DTNB: variants seen among roughly 807,000 people sequenced by gnomAD.
The protein encoded by DTNB is dystrobrevin beta.
In DTNB, 63 loss-of-function variants were observed where a neutral mutation model predicts 90.7. The ratio of observed to expected loss-of-function variants is 0.69; its 90% confidence interval spans 0.57 to 0.86. DTNB has a LOEUF of 0.86. Ranked by LOEUF, DTNB falls within the 40% of genes least tolerant of loss-of-function variation. The pLI, the probability that DTNB is intolerant of heterozygous loss-of-function variation, is 0.00. For synonymous variants in DTNB, 277 were observed against 286.7 expected (o/e 0.97, Z 0.34); for missense variants, 744 against 807.1 (o/e 0.92, Z 0.95).
intron 5 of DTNB, among the ~76,000 whole-genome samples, chr2:25,600,392 C>G (rs1242471909): frequency 6.6e-6 from 1 of 152,168 alleles, no homozygotes. Flanking sequence ...AGTACAGAGG[C>G]CTGGGATATG....
chr2:25,521,324 A>T (rs1272760757), intron 9 of DTNB, among the ~76,000 whole-genome samples: 6 of 151,986 alleles, frequency 3.9e-5, no homozygotes, highest in Non-Finnish European at 7.4e-5. Flanking sequence ...CAATTCTGCC[A>T]CTGGAGCTCG....
chr2:25,664,182 T>C (rs7566492), intron 1 of DTNB, among the ~76,000 whole-genome samples: 146,970 of 152,314 alleles, frequency 0.96, 70,946 homozygotes, highest in East Asian at 1. Context: ...ATTACTGCTT[T>C]TTCATCAATC....
rs1422341502 is a variant in DTNB at position 25,390,922 on chromosome 2, A to G, written c.1576-2561T>C. On this transcript the variant is annotated intron_variant, in intron 16 of 20. Transcript: ENST00000406818. ...TTTTTTTTTTTTTTTTTTGAGACGG[A>G]GTCTTGCTCTGTTGCCCAGGCTGGA... is the stretch of plus-strand genomic sequence containing the variant. Among the ~76,000 whole-genome samples the G allele has an allele frequency of 5.4e-5, 7 of 129,626 alleles. No homozygotes were observed. In the East Asian group the frequency reaches 1.3e-3, roughly 24 times the overall value. The allele number at this position is 129,626 out of a possible 152,430, so 85.0% of individuals were successfully genotyped here.
chr2:25,587,762 T>C (rs766863295), intron 6 of DTNB, among the ~76,000 whole-genome samples: 6 of 152,202 alleles, frequency 3.9e-5, no homozygotes, highest in African/African-American at 7.2e-5. Context: ...TCTAGGTCTC[T>C]ACAATTTTGT....
chr2:25,421,376 C>T (rs1451440045), intron 15 of DTNB, among the ~76,000 whole-genome samples: 1 of 152,104 alleles, frequency 6.6e-6, no homozygotes, highest in Non-Finnish European at 1.5e-5. Flanking sequence ...GATGCCTGAC[C>T]AAAGCCAAAC....
At chr2:25,397,565 A>T (rs1265727720) in intron 16 of DTNB, among the ~76,000 whole-genome samples, 1 of 152,052 alleles carries the variant, frequency 6.6e-6, no homozygotes, top group Non-Finnish European at 1.5e-5. Flanking sequence ...GGAACTCAAG[A>T]TGGAAATTAA....
chr2:25,481,041 C>T (rs2064824687), intron 10 of DTNB, among the ~76,000 whole-genome samples: 1 of 152,076 alleles, frequency 6.6e-6, no homozygotes, highest in African/African-American at 2.4e-5. Context: ...AAAAATAATA[C>T]ATTAAATTCT....
At chr2:25,399,096 T>C (rs564717185) in intron 16 of DTNB, among the ~76,000 whole-genome samples, 1 of 152,210 alleles carries the variant, frequency 6.6e-6, no homozygotes. Context: ...GTCACCAGGC[T>C]GGAGTGCAGT....
chr2:25,606,062 T>C (rs1416765108), intron 5 of DTNB, among the ~76,000 whole-genome samples: 1 of 152,226 alleles, frequency 6.6e-6, no homozygotes, highest in African/African-American at 2.4e-5. Flanking sequence ...ATGGGCCATC[T>C]AGCTTTCCAA....
intron 10 of DTNB, among the ~76,000 whole-genome samples, chr2:25,461,584 T>A (rs1056992302): frequency 2.6e-5 from 4 of 152,170 alleles, no homozygotes; most frequent in African/African-American, 9.7e-5. Context: ...AAATGTCAAT[T>A]CAATCCATAA....
intron 16 of DTNB, among the ~76,000 whole-genome samples, chr2:25,403,277 C>T (rs373979796): frequency 7.2e-5 from 11 of 152,226 alleles, no homozygotes; most frequent in South Asian, 2.1e-4. Flanking sequence ...CACCACACCC[C>T]GCTAATTTTT....
At chr2:25,547,323 CTTTT>C (rs57298172) in intron 8 of DTNB, among the ~76,000 whole-genome samples, 2 of 115,608 alleles carry the variant, frequency 1.7e-5, no homozygotes, top group Admixed American at 1.8e-4. Context: ...TCTTTCTTTC[CTTTT>C]TTTTTTTTTT....
chr2:25,668,389 AG>A (rs1311640502), intron 1 of DTNB, among the ~76,000 whole-genome samples: 1 of 152,258 alleles, frequency 6.6e-6, no homozygotes, highest in African/African-American at 2.4e-5. Flanking sequence ...ACTCTGGAAA[AG>A]GTAAAACTAT....
chr2:25,427,805 G>A, intron 14 of DTNB, 174 bp from the exon 15 acceptor site: 1 of 558,074 alleles, frequency 1.8e-6, no homozygotes, highest in South Asian at 2.4e-5. Flanking sequence ...CCTACTTCCT[G>A]GACTGTTCTG....
chr2:25,482,731 G>T, intron 10 of DTNB, 65 bp downstream of exon 10: 2 of 1,537,210 alleles, frequency 1.3e-6, no homozygotes, highest in Non-Finnish European at 1.8e-6. Context: ...CCTCATTTCT[G>T]GCAGGGGCAT....
intron 16 of DTNB, among the ~76,000 whole-genome samples, chr2:25,395,761 T>C (rs1048900356): frequency 2.6e-5 from 4 of 152,170 alleles, no homozygotes; most frequent in African/African-American, 4.8e-5. Context: ...GGAAGCTAGA[T>C]AAAAATTTAT....
chr2:25,610,149 C>G (rs1016360533), intron 4 of DTNB, among the ~76,000 whole-genome samples: 2 of 152,070 alleles, frequency 1.3e-5, no homozygotes, highest in African/African-American at 4.8e-5. Flanking sequence ...CTCCCTCTGT[C>G]GCCCAGGCTG....
intron 19 of DTNB, chr2:25,379,564 T>G (rs1024585156): frequency 6.5e-5 from 27 of 415,622 alleles, no homozygotes; most frequent in Middle Eastern, 3.4e-4. Flanking sequence ...GGAAAGTCAT[T>G]AAAAAATGGA....
intron 9 of DTNB, among the ~76,000 whole-genome samples, chr2:25,496,924 C>T (rs1461760990): frequency 6.6e-6 from 1 of 151,870 alleles, no homozygotes; most frequent in Non-Finnish European, 1.5e-5. Flanking sequence ...TAGCATCTTG[C>T]CAAAAATAAA....
Sources: allele counts gnomAD v4.1 joint callset (sites outside exome capture counted in the v4.1 genomes callset), GRCh38; gene constraint gnomAD v4.1.1; transcripts MANE v1.5; gene names NCBI Gene and HGNC (gene_info 2026-07-23, HGNC 2026-07-21).